NTM: variants seen among roughly 807,000 people sequenced by gnomAD.
NTM encodes the protein IgLON family member 2.
A neutral mutation model predicts 42.1 loss-of-function variants in NTM; 13 were observed. The ratio of observed to expected loss-of-function variants is 0.31; its 90% CI spans 0.20 to 0.49. NTM has a LOEUF of 0.49. Among genes scored for constraint, NTM ranks in the 20% least tolerant of loss-of-function variants. The pLI is 0.99. For missense variants in NTM, 373 were observed against 452.8 expected (o/e 0.82, Z 1.60); for synonymous variants, 187 against 179.2 (o/e 1.04, Z -0.35).
chr11:131,540,090 G>C (rs2136781819), intron 1 of NTM, among the ~76,000 whole-genome samples: 1 of 148,476 alleles, frequency 6.7e-6, no homozygotes, highest in East Asian at 2.0e-4. Context: ...TGATTCATTA[G>C]AAAATGCATA....
At chr11:131,843,179 A>G (rs2044488880) in intron 1 of NTM, among the ~76,000 whole-genome samples, 1 of 152,280 alleles carries the variant, frequency 6.6e-6, no homozygotes, top group South Asian at 2.1e-4. Flanking sequence ...TTACTAGAGA[A>G]ACACAACATT....
intron 2 of NTM, among the ~76,000 whole-genome samples, chr11:132,110,421 A>G (rs772213625): frequency 1.4e-4 from 22 of 152,238 alleles, no homozygotes; most frequent in Non-Finnish European, 2.6e-4. Flanking sequence ...AATTGTCGAC[A>G]TATGGCTGAA....
chr11:131,875,136 A>G (rs1182332470), intron 1 of NTM, among the ~76,000 whole-genome samples: 7 of 152,214 alleles, frequency 4.6e-5, no homozygotes, highest in African/African-American at 7.2e-5. Flanking sequence ...TTCATCACAT[A>G]TAGAATGGGT....
At chr11:131,787,034 T>A (rs2089350326) in intron 1 of NTM, among the ~76,000 whole-genome samples, 1 of 152,200 alleles carries the variant, frequency 6.6e-6, no homozygotes, top group Non-Finnish European at 1.5e-5. Context: ...CACTTGCTAT[T>A]GTGTTTGATA....
intron 1 of NTM, among the ~76,000 whole-genome samples, chr11:131,731,084 A>G (rs2079624321): frequency 1.3e-5 from 2 of 152,140 alleles, no homozygotes; most frequent in Admixed American, 6.5e-5. Context: ...TTTTTATGCT[A>G]TAAAAACCCT....
At chr11:131,516,844 T>G (rs543333383) in intron 1 of NTM, among the ~76,000 whole-genome samples, 1 of 152,342 alleles carries the variant, frequency 6.6e-6, no homozygotes, top group South Asian at 2.1e-4. Context: ...TCCTTAGTGG[T>G]AACGAATCTT....
At chr11:131,558,712 G>A (rs2055794755) in intron 1 of NTM, among the ~76,000 whole-genome samples, 2 of 152,146 alleles carry the variant, frequency 1.3e-5, no homozygotes, top group South Asian at 2.1e-4. Flanking sequence ...TCAAACAAAT[G>A]TTATCGGAAT....
At chr11:131,939,928 G>A (rs956081929) in intron 2 of NTM, among the ~76,000 whole-genome samples, 26 of 152,200 alleles carry the variant, frequency 1.7e-4, no homozygotes, top group Middle Eastern at 3.2e-3. Context: ...ATAATAGAAA[G>A]TTTGATTTGA....
chr11:131,899,514 C>G (rs2052802915), intron 1 of NTM, among the ~76,000 whole-genome samples: 1 of 152,130 alleles, frequency 6.6e-6, no homozygotes, highest in South Asian at 2.1e-4. Context: ...TAGATGGGAC[C>G]ATGACATTAG....
At chr11:131,998,310 G>C (rs1245265567) in intron 2 of NTM, among the ~76,000 whole-genome samples, 1 of 152,194 alleles carries the variant, frequency 6.6e-6, no homozygotes, top group Non-Finnish European at 1.5e-5. Flanking sequence ...CACGGAGGTA[G>C]TTAAAATTAC....
At chr11:131,586,252 T>G (rs1480361424) in intron 1 of NTM, among the ~76,000 whole-genome samples, 1 of 152,118 alleles carries the variant, frequency 6.6e-6, no homozygotes, top group Non-Finnish European at 1.5e-5. Flanking sequence ...ACCACAGGCA[T>G]GCAGAGACAA....
At chr11:132,208,258 A>G (rs899009640) in intron 3 of NTM, among the ~76,000 whole-genome samples, 3 of 152,216 alleles carry the variant, frequency 2.0e-5, no homozygotes, top group African/African-American at 7.2e-5. Flanking sequence ...GAATACTGAC[A>G]ATGTACTAGA....
intron 1 of NTM, among the ~76,000 whole-genome samples, chr11:131,656,341 C>T (rs1292619622): frequency 1.3e-5 from 2 of 152,240 alleles, no homozygotes; most frequent in Non-Finnish European, 2.9e-5. Flanking sequence ...AAATACTGCA[C>T]CTCTAGATGA....
intron 2 of NTM, among the ~76,000 whole-genome samples, chr11:132,107,461 C>T (rs2062550428): frequency 6.6e-6 from 1 of 150,594 alleles, no homozygotes; most frequent in Non-Finnish European, 1.5e-5. Flanking sequence ...AGAGATCCTC[C>T]CTCCTCAGCC....
rs1439887400 is a variant in NTM, at chr11:131,789,417, A to AG, written c.83-122147_83-122146insG. Among the ~76,000 whole-genome samples the AG allele has an allele frequency of 6.6e-4, 35 of 53,262 alleles. 1 individual carries two copies. The highest frequency in any genetic ancestry group is 3.0e-3 in the African/African-American group (33 of 10,974). The allele number at this position is 53,262 out of a possible 152,430, so 34.9% of individuals were successfully genotyped here. ...CAGAAGTATTGCTGCAGTTAAAAGA[A>AG]AAAAAGAAGAAGGAAGAAGAAGAAG... On this transcript the variant is annotated intron_variant, in intron 1 of 8. Coordinates refer to ENST00000683400, the MANE Select transcript of NTM (RefSeq NM_001352005.2).
At position 131,596,640 on chromosome 11, in the gene NTM, G is replaced by A. The variant is rs141397105; in HGVS notation, c.82+225752G>A. On this transcript the variant is annotated intron_variant, in intron 1 of 8. Transcript: ENST00000683400. Reference sequence around the variant, plus strand: ...GTAAATCTGCGGGAGCAGAAAGCATGTCTAAGGACACCATGGAGGCCCAAG... The same window carrying A: ...GTAAATCTGCGGGAGCAGAAAGCATATCTAAGGACACCATGGAGGCCCAAG... 6.7e-3 allele frequency among the ~76,000 whole-genome samples: 1,015 copies of A among 152,338 alleles called. 30 individuals are homozygous for A. Among genetic ancestry groups the A allele is most frequent in the East Asian group, 0.057 (297 of 5,166 alleles).
At chr11:131,504,299 A>G (rs6590581) in intron 1 of NTM, among the ~76,000 whole-genome samples, 31,439 of 151,914 alleles carry the variant, frequency 0.21, 5,286 homozygotes, top group African/African-American at 0.47. Context: ...TTGGGCTCAC[A>G]TTCTGGAGAA....
Position 131,445,253 on chromosome 11 carries a change from TA to T in NTM, c.82+74367del, listed in dbSNP as rs565070591. The stretch of plus-strand genomic sequence containing the variant: ...ATCTCCGTACACTGCCCTGTACCCC[TA>T]AGGGTATGTATACAGCCATGCAGAG... On this transcript the variant is annotated intron_variant, in intron 1 of 8. Transcript: ENST00000683400. 7.4e-4 allele frequency among the ~76,000 whole-genome samples: 112 copies of T among 152,364 alleles called. 2 individuals are homozygous for T. Among genetic ancestry groups the T allele is most frequent in the Non-Finnish European group, 1.3e-3 (88 of 68,032 alleles).
chr11:131,806,375 C>T (rs2092481268), intron 1 of NTM, among the ~76,000 whole-genome samples: 2 of 152,274 alleles, frequency 1.3e-5, no homozygotes, highest in African/African-American at 2.4e-5. Flanking sequence ...AACTGCCCCA[C>T]TTAGATTGCA....
Sources: allele counts gnomAD v4.1 joint callset (sites outside exome capture counted in the v4.1 genomes callset), GRCh38; gene constraint gnomAD v4.1.1; transcripts MANE v1.5; gene names NCBI Gene and HGNC (gene_info 2026-07-23, HGNC 2026-07-21).